Variants in CSNK2A2IP observed in about 807,000 individuals in gnomAD.
The protein encoded by CSNK2A2IP is casein kinase II subunit alpha'-interacting protein.
At chr3:88,383,816 A>G in the CSNK2A2IP span, among the ~76,000 whole-genome samples, 1 of 151,656 alleles carries the variant, frequency 6.6e-6, no homozygotes, top group Non-Finnish European at 1.5e-5. Context: ...GGTGCCCGCC[A>G]CCACGCCCCG....
At chr3:88,423,023 G>A in the CSNK2A2IP span, among the ~76,000 whole-genome samples, 1 of 152,112 alleles carries the variant, frequency 6.6e-6, no homozygotes, top group South Asian at 2.1e-4. Context: ...CCTGATCCTT[G>A]AAGAAGCCTG....
the CSNK2A2IP span, among the ~76,000 whole-genome samples, chr3:88,398,814 C>G: frequency 1.3e-5 from 2 of 152,138 alleles, no homozygotes; most frequent in African/African-American, 2.4e-5. Flanking sequence ...GTTTTTCATT[C>G]TTACACTTTG....
the CSNK2A2IP span, among the ~76,000 whole-genome samples, chr3:88,407,382 G>A: frequency 6.7e-6 from 1 of 150,138 alleles, no homozygotes; most frequent in Non-Finnish European, 1.5e-5. Flanking sequence ...GTGTGAATAT[G>A]TTTTTATGTT....
At chr3:88,446,392 C>A in the CSNK2A2IP span, among the ~76,000 whole-genome samples, 67 of 152,180 alleles carry the variant, frequency 4.4e-4, 1 homozygote, top group South Asian at 8.9e-3. Context: ...CTGACCTGAT[C>A]TCAGTTTCTA....
the CSNK2A2IP span, among the ~76,000 whole-genome samples, chr3:88,435,542 C>G: frequency 2.0e-5 from 3 of 152,084 alleles, no homozygotes; most frequent in Non-Finnish European, 4.4e-5. Flanking sequence ...GAGGCAGAGC[C>G]AATACCGAGG....
chr3:88,397,003 C>T, the CSNK2A2IP span, among the ~76,000 whole-genome samples: 1 of 151,994 alleles, frequency 6.6e-6, no homozygotes, highest in Admixed American at 6.6e-5. Flanking sequence ...TGAGGGATGG[C>T]GTCAGTGTGC....
At chr3:88,354,566 G>A in the CSNK2A2IP span, among the ~76,000 whole-genome samples, 2 of 152,286 alleles carry the variant, frequency 1.3e-5, no homozygotes, top group African/African-American at 4.8e-5. Context: ...GTACACAGGT[G>A]AGTGGTGATG....
chr3:88,386,989 C>A, the CSNK2A2IP span, among the ~76,000 whole-genome samples: 17 of 152,106 alleles, frequency 1.1e-4, no homozygotes, highest in African/African-American at 3.4e-4. Flanking sequence ...AATCTTCCAC[C>A]AATAAACAGT....
chr3:88,446,025 G>GTTTCT, the CSNK2A2IP span, among the ~76,000 whole-genome samples: 1 of 29,248 alleles, frequency 3.4e-5, no homozygotes, highest in African/African-American at 1.1e-4. Context: ...TTCTTTCTTT[G>GTTTCT]TTTCTTTTCT....
At chr3:88,421,903 G>C in the CSNK2A2IP span, among the ~76,000 whole-genome samples, 21 of 151,876 alleles carry the variant, frequency 1.4e-4, no homozygotes, top group African/African-American at 4.6e-4. Context: ...TTCTTCAAAG[G>C]GTCTACACGC....
chr3:88,374,783 A>G, the CSNK2A2IP span, among the ~76,000 whole-genome samples: 1 of 151,732 alleles, frequency 6.6e-6, no homozygotes, highest in Non-Finnish European at 1.5e-5. Flanking sequence ...ACATGGGAAT[A>G]CTTGGGATCC....
At chr3:88,365,607 T>G in the CSNK2A2IP span, among the ~76,000 whole-genome samples, 48 of 152,314 alleles carry the variant, frequency 3.2e-4, no homozygotes, top group African/African-American at 1.1e-3. Context: ...GTCTTGGTCA[T>G]GTATCCCTTC....
At chr3:88,370,947 T>C in the CSNK2A2IP span, among the ~76,000 whole-genome samples, 1 of 151,714 alleles carries the variant, frequency 6.6e-6, no homozygotes, top group Admixed American at 6.6e-5. Context: ...GGTGAGAACA[T>C]AATGAGAAAG....
the CSNK2A2IP span, among the ~76,000 whole-genome samples, chr3:88,427,224 G>T: frequency 6.6e-6 from 1 of 152,136 alleles, no homozygotes; most frequent in Non-Finnish European, 1.5e-5. Context: ...TTAGCAAAGA[G>T]GCTGCCCTTG....
At chr3:88,435,389 T>A in the CSNK2A2IP span, among the ~76,000 whole-genome samples, 8 of 152,020 alleles carry the variant, frequency 5.3e-5, no homozygotes, top group Non-Finnish European at 1.0e-4. Context: ...CTGAGAAAAA[T>A]TTAATTATTC....
At chr3:88,425,925 G>A in the CSNK2A2IP span, among the ~76,000 whole-genome samples, 879 of 152,198 alleles carry the variant, frequency 5.8e-3, 8 homozygotes, top group African/African-American at 0.02. Flanking sequence ...TGAAGAAGCT[G>A]AAATCATGGG....
At chr3:88,412,965 C>G in the CSNK2A2IP span, among the ~76,000 whole-genome samples, 4 of 151,990 alleles carry the variant, frequency 2.6e-5, no homozygotes, top group Admixed American at 2.6e-4. Context: ...CAGCCACACA[C>G]ATGATATGGT....
chr3:88,396,474 T>C, the CSNK2A2IP span, among the ~76,000 whole-genome samples: 13 of 152,176 alleles, frequency 8.5e-5, no homozygotes, highest in African/African-American at 2.9e-4. Context: ...AAAGTTTTCC[T>C]GTGAAAATGC....
chr3:88,407,378 A>G, the CSNK2A2IP span, among the ~76,000 whole-genome samples: 2 of 151,944 alleles, frequency 1.3e-5, no homozygotes, highest in African/African-American at 2.4e-5. Context: ...AAATGTGTGA[A>G]TATGTTTTTA....
Sources: allele counts gnomAD v4.1 joint callset (sites outside exome capture counted in the v4.1 genomes callset), GRCh38; gene constraint gnomAD v4.1.1; transcripts MANE v1.5; gene names NCBI Gene and HGNC (gene_info 2026-07-23, HGNC 2026-07-21).